PLCB1: variants seen among roughly 807,000 people sequenced by gnomAD.
The protein encoded by PLCB1 is phospholipase C beta 1, also known as 1-phosphatidylinositol 4,5-bisphosphate phosphodiesterase beta-1.
A neutral mutation model predicts 161.8 loss-of-function variants in PLCB1; 46 were observed. That is an observed-to-expected ratio of 0.28 (90% confidence interval 0.22 to 0.36). PLCB1 has a LOEUF of 0.36. PLCB1 is among the 10% of genes least tolerant of loss of function. The pLI, the probability that PLCB1 is intolerant of heterozygous loss-of-function variation, is 1.00. For missense variants in PLCB1, 1,016 were observed against 1,472.5 expected, an observed-to-expected ratio of 0.69 and a Z score of 5.07; for synonymous variants, 517 against 503.7, an observed-to-expected ratio of 1.03 and a Z score of -0.35.
rs376720305 is a variant in PLCB1, at chr20:8,724,417, G to A, written c.1582-239G>A. Among the ~76,000 whole-genome samples, 22 of 152,174 alleles carry A rather than the reference G, an allele frequency of 1.4e-4. No individual in the cohort carries two copies. The South Asian group carries it at 2.1e-3, about 14-fold the overall frequency. ...AAGGAGGGGGCAGGGGATAGGGAGT[G>A]ATTATGTTGGGGCCATGCTGCCAGC... On this transcript the variant is annotated intron_variant, in intron 15 of 31. Coordinates refer to ENST00000338037, the MANE Select transcript of PLCB1 (RefSeq NM_015192.4).
intron 3 of PLCB1, among the ~76,000 whole-genome samples, chr20:8,454,293 G>A (rs926068156): frequency 3.9e-4 from 60 of 152,218 alleles, no homozygotes; most frequent in African/African-American, 1.3e-3. Flanking sequence ...GAAGTAGCCA[G>A]GATCCAGGAC....
At chr20:8,694,625 G>A (rs1187252186) in intron 10 of PLCB1, among the ~76,000 whole-genome samples, 1 of 152,152 alleles carries the variant, frequency 6.6e-6, no homozygotes, top group African/African-American at 2.4e-5. Flanking sequence ...ATGCTCTAGT[G>A]TCTGTTAGGT....
intron 2 of PLCB1, among the ~76,000 whole-genome samples, chr20:8,153,983 C>T (rs1168222303): frequency 6.6e-6 from 1 of 152,166 alleles, no homozygotes; most frequent in Admixed American, 6.6e-5. Context: ...CTTTAAACTG[C>T]ACTCTCCCAT....
intron 10 of PLCB1, among the ~76,000 whole-genome samples, chr20:8,688,766 A>C (rs762877749): frequency 3.9e-5 from 6 of 152,188 alleles, no homozygotes; most frequent in African/African-American, 1.4e-4. Context: ...TATAGTTTGA[A>C]ATCAGGTAGT....
At chr20:8,819,269 C>T (rs967877347) in intron 31 of PLCB1, among the ~76,000 whole-genome samples, 2 of 152,110 alleles carry the variant, frequency 1.3e-5, no homozygotes, top group Non-Finnish European at 2.9e-5. Flanking sequence ...TGTGGAGAAA[C>T]TCAGGCTTTT....
chr20:8,833,792 G>A (rs564021844), intron 31 of PLCB1, among the ~76,000 whole-genome samples: 33 of 152,248 alleles, frequency 2.2e-4, no homozygotes, highest in Non-Finnish European at 4.1e-4. Flanking sequence ...AAACTAATAC[G>A]CTAACAACGA....
intron 26 of PLCB1, among the ~76,000 whole-genome samples, chr20:8,771,278 A>G (rs1339777262): frequency 1.3e-5 from 2 of 152,192 alleles, no homozygotes; most frequent in East Asian, 1.9e-4. Flanking sequence ...GTTAAATAAA[A>G]TATATTATTA....
At chr20:8,536,804 A>G (rs2423366) in intron 3 of PLCB1, among the ~76,000 whole-genome samples, 107,911 of 152,050 alleles carry the variant, frequency 0.71, 38,676 homozygotes, top group African/African-American at 0.81. Context: ...AGCACAGATT[A>G]AAGGGGATGC....
intron 3 of PLCB1, among the ~76,000 whole-genome samples, chr20:8,586,175 A>G (rs1328757365): frequency 6.6e-6 from 1 of 152,228 alleles, no homozygotes; most frequent in African/African-American, 2.4e-5. Context: ...CAGAGTTGAC[A>G]TGCCCTTGAT....
At chr20:8,541,597 A>AAAGAAAGAAAGAAAGAAAGG (rs1568500404) in intron 3 of PLCB1, among the ~76,000 whole-genome samples, 3 of 151,488 alleles carry the variant, frequency 2.0e-5, no homozygotes, top group Non-Finnish European at 4.4e-5. Context: ...AGAAAGAAAG[A>AAAGAAAGAAAGAAAGAAAGG]AAGAAAGAAA....
chr20:8,351,721 C>A (rs985968245), intron 2 of PLCB1, among the ~76,000 whole-genome samples: 3 of 151,900 alleles, frequency 2.0e-5, no homozygotes, highest in African/African-American at 7.2e-5. Context: ...ACAAACATAA[C>A]AAATACCCAT....
At chr20:8,294,389 C>A (rs187909311) in intron 2 of PLCB1, among the ~76,000 whole-genome samples, 191 of 151,902 alleles carry the variant, frequency 1.3e-3, no homozygotes, top group Non-Finnish European at 2.2e-3. Context: ...TCTGACATTA[C>A]CAAAAGTTGA....
At chr20:8,248,928 A>G (rs2123218744) in intron 2 of PLCB1, 1 of 152,068 alleles carries the variant, frequency 6.6e-6, no homozygotes, top group East Asian at 1.9e-4. Context: ...ATGAATGGAT[A>G]AGCTGAGAGA....
At chr20:8,175,426 G>GA (rs1308597876) in intron 2 of PLCB1, among the ~76,000 whole-genome samples, 1 of 150,852 alleles carries the variant, frequency 6.6e-6, no homozygotes, top group Non-Finnish European at 1.5e-5. Context: ...AGTGATGATG[G>GA]AGACATTGGA....
At chr20:8,508,458 G>A (rs1983736678) in intron 3 of PLCB1, among the ~76,000 whole-genome samples, 1 of 152,152 alleles carries the variant, frequency 6.6e-6, no homozygotes, top group African/African-American at 2.4e-5. Flanking sequence ...TGACAGACTC[G>A]AAGTGACTCA....
chr20:8,481,841 T>C (rs1055912175), intron 3 of PLCB1, among the ~76,000 whole-genome samples: 1 of 152,104 alleles, frequency 6.6e-6, no homozygotes, highest in African/African-American at 2.4e-5. Context: ...TGAAAGTCGA[T>C]GTTTTCTGTG....
intron 3 of PLCB1, among the ~76,000 whole-genome samples, chr20:8,557,012 A>AAAT (rs1447502484): frequency 6.3e-5 from 8 of 126,278 alleles, no homozygotes; most frequent in East Asian, 4.5e-4. Flanking sequence ...ATAAATAAAT[A>AAAT]AAATAAATAA....
chr20:8,653,682 C>G (rs985528476), intron 7 of PLCB1, among the ~76,000 whole-genome samples: 2 of 151,724 alleles, frequency 1.3e-5, no homozygotes, highest in African/African-American at 2.4e-5. Context: ...ATTTAAGTAC[C>G]CATTTCTCAT....
chr20:8,212,311 G>A (rs1978868154), intron 2 of PLCB1, among the ~76,000 whole-genome samples: 2 of 152,048 alleles, frequency 1.3e-5, no homozygotes, highest in African/African-American at 2.4e-5. Flanking sequence ...GTCTAGAACA[G>A]CATTTGAATT....
Sources: gnomAD v4.1 joint callset for allele counts (sites outside exome capture counted in the v4.1 genomes callset) on GRCh38, gnomAD v4.1.1 for gene constraint, MANE v1.5 for transcripts, NCBI Gene and HGNC (gene_info 2026-07-23, HGNC 2026-07-21) for gene names.